EXOC6B: variants seen among roughly 807,000 people sequenced by gnomAD.
EXOC6B encodes SEC15 homolog B.
A neutral mutation model predicts 113.5 loss-of-function variants in EXOC6B; 54 were observed. That is an observed-to-expected ratio of 0.48 (90% CI 0.38 to 0.60). EXOC6B has a LOEUF of 0.60. Among genes scored for constraint, EXOC6B ranks in the 20% least tolerant of loss-of-function variants. The pLI is 0.00. For missense variants in EXOC6B, 797 were observed against 977.5 expected, an observed-to-expected ratio of 0.82 and a Z score of 2.46; for synonymous variants, 357 against 339.0, an observed-to-expected ratio of 1.05 and a Z score of -0.58.
At chr2:72,795,602 A>G (rs747055617) in intron 1 of EXOC6B, among the ~76,000 whole-genome samples, 12 of 152,076 alleles carry the variant, frequency 7.9e-5, no homozygotes, top group Admixed American at 2.0e-4. Context: ...AAATAAAATA[A>G]AACAAGTGAA....
chr2:72,417,902 A>G (rs1694629952), intron 18 of EXOC6B, among the ~76,000 whole-genome samples: 1 of 152,104 alleles, frequency 6.6e-6, no homozygotes, highest in African/African-American at 2.4e-5. Context: ...TATTTTGAGT[A>G]GCATCTCTTA....
chr2:72,244,215 A>G (rs1405808748), intron 20 of EXOC6B, among the ~76,000 whole-genome samples: 4 of 152,240 alleles, frequency 2.6e-5, no homozygotes, highest in Non-Finnish European at 4.4e-5. Context: ...TAATAATGCC[A>G]TAATGGAGCT....
At chr2:72,814,274 A>T (rs1452325161) in intron 1 of EXOC6B, among the ~76,000 whole-genome samples, 1 of 152,258 alleles carries the variant, frequency 6.6e-6, no homozygotes, top group Non-Finnish European at 1.5e-5. Flanking sequence ...ACATTTATTT[A>T]GAGTTCTAAA....
intron 18 of EXOC6B, among the ~76,000 whole-genome samples, chr2:72,390,177 A>C (rs1032873544): frequency 6.6e-6 from 1 of 152,062 alleles, no homozygotes; most frequent in African/African-American, 2.4e-5. Flanking sequence ...CTCCAATCTT[A>C]TTTTCTATAG....
At chr2:72,460,506 T>G (rs1222412377) in intron 18 of EXOC6B, among the ~76,000 whole-genome samples, 1 of 151,532 alleles carries the variant, frequency 6.6e-6, no homozygotes. Context: ...CAAACAAATT[T>G]ACAAGAAAAA....
At chr2:72,521,150 G>A in intron 8 of EXOC6B, among the ~76,000 whole-genome samples, 1 of 152,172 alleles carries the variant, frequency 6.6e-6, no homozygotes, top group Non-Finnish European at 1.5e-5. Context: ...GTTTGAGGGA[G>A]TGGGTTTGCA....
At chr2:72,400,366 G>A (rs1693056388) in intron 18 of EXOC6B, among the ~76,000 whole-genome samples, 1 of 152,008 alleles carries the variant, frequency 6.6e-6, no homozygotes, top group Non-Finnish European at 1.5e-5. Flanking sequence ...CCAGACATTG[G>A]CCTGGGGAAA....
chr2:72,649,586 A>G (rs1053392416), intron 6 of EXOC6B, among the ~76,000 whole-genome samples: 3 of 152,142 alleles, frequency 2.0e-5, no homozygotes, highest in Admixed American at 1.3e-4. Context: ...CTAAATAAAT[A>G]AAATTTACAT....
chr2:72,550,627 A>C lies in EXOC6B; in HGVS notation c.915+8826T>G, dbSNP rs145516026. 2.0e-3 allele frequency among the ~76,000 whole-genome samples: 312 copies of C among 152,268 alleles called. 3 individuals carry two copies. Among genetic ancestry groups the C allele is most frequent in the African/African-American group, 7.0e-3 (291 of 41,568 alleles). ...ACAGTAGGGAATATTACTGTGTATA[A>C]TTTACTTTTAAATGGGCAGTTTAAG... On this transcript the variant is annotated intron_variant, in intron 8 of 21. Coordinates refer to ENST00000272427, the MANE Select transcript of EXOC6B (RefSeq NM_015189.3).
intron 20 of EXOC6B, among the ~76,000 whole-genome samples, chr2:72,265,397 T>TC (rs1235322801): frequency 3.0e-5 from 4 of 132,516 alleles, no homozygotes; most frequent in African/African-American, 8.4e-5. Flanking sequence ...ATGCTATCCC[T>TC]CCCCCCTCCC....
chr2:72,671,785 AAGAAAGAAAGAAAGAAAG>A (rs1246928272), intron 6 of EXOC6B, among the ~76,000 whole-genome samples: 4 of 128,126 alleles, frequency 3.1e-5, no homozygotes, highest in African/African-American at 1.4e-4. Flanking sequence ...GAAAGAAAGA[AAGAAAGAAAGAAAGAAAG>A]AAAGAAAGAA....
At chr2:72,325,851 G>A (rs767542670) in intron 20 of EXOC6B, among the ~76,000 whole-genome samples, 10 of 152,010 alleles carry the variant, frequency 6.6e-5, no homozygotes, top group Non-Finnish European at 8.8e-5. Flanking sequence ...AGAAGGAAGT[G>A]TTTTAACACT....
rs189922603 is a variant in EXOC6B at position 72,652,363 on chromosome 2, T to A, written c.669+65740A>T. On this transcript the variant is annotated intron_variant, in intron 6 of 21. Coordinates refer to ENST00000272427, the MANE Select transcript of EXOC6B (RefSeq NM_015189.3). The stretch of plus-strand genomic sequence containing the variant: ...ATTGAGTTTGATTTACTTGTCAAGA[T>A]AATTGCTTCAGTATTAATTAAATAT... 3.7e-4 allele frequency among the ~76,000 whole-genome samples: 56 copies of A among 152,316 alleles called. 2 individuals are homozygous for A. The East Asian group carries it at 0.01, about 28-fold the overall frequency.
At chr2:72,239,049 C>G (rs1559047784) in intron 20 of EXOC6B, among the ~76,000 whole-genome samples, 2 of 152,250 alleles carry the variant, frequency 1.3e-5, no homozygotes, top group East Asian at 1.9e-4. Context: ...CAGGTGTGCA[C>G]CACTGCACCC....
At chr2:72,431,420 T>G (rs1695510573) in intron 18 of EXOC6B, among the ~76,000 whole-genome samples, 1 of 152,066 alleles carries the variant, frequency 6.6e-6, no homozygotes, top group Non-Finnish European at 1.5e-5. Context: ...AAAGCAATCT[T>G]CCTGTGTCAG....
chr2:72,265,758 G>A (rs1291642559), intron 20 of EXOC6B, among the ~76,000 whole-genome samples: 2 of 151,874 alleles, frequency 1.3e-5, no homozygotes, highest in Admixed American at 1.3e-4. Context: ...TAGTCCTTTG[G>A]GTATATACCC....
intron 1 of EXOC6B, among the ~76,000 whole-genome samples, chr2:72,808,777 A>G (rs1010181263): frequency 8.5e-5 from 13 of 152,048 alleles, no homozygotes; most frequent in African/African-American, 2.9e-4. Flanking sequence ...GCGAGATCCT[A>G]TCTCAAAAAA....
intron 20 of EXOC6B, among the ~76,000 whole-genome samples, chr2:72,223,849 C>T (rs1205693197): frequency 6.6e-6 from 1 of 152,150 alleles, no homozygotes; most frequent in Non-Finnish European, 1.5e-5. Flanking sequence ...GTCTGACCAC[C>T]TTAGGGGTAA....
Position 72,748,370 on chromosome 2 carries a change from C to T in EXOC6B, c.114-6901G>A, listed in dbSNP as rs142040897. Reference sequence around the variant, plus strand: ...AATAAAGTGGAAAAACAGATTTGTGCATGATGTTGAAAGAGAAACTGCAGG... The same window carrying T: ...AATAAAGTGGAAAAACAGATTTGTGTATGATGTTGAAAGAGAAACTGCAGG... On this transcript the variant is annotated intron_variant, in intron 1 of 21. Coordinates refer to ENST00000272427, the MANE Select transcript of EXOC6B (RefSeq NM_015189.3). Among the ~76,000 whole-genome samples, 69 of 152,084 alleles carry T rather than the reference C, an allele frequency of 4.5e-4. 2 individuals are homozygous for T. The highest frequency in any genetic ancestry group is 3.4e-3 in the Middle Eastern group (1 of 294).
Sources: allele counts gnomAD v4.1 joint callset (sites outside exome capture counted in the v4.1 genomes callset), GRCh38; gene constraint gnomAD v4.1.1; transcripts MANE v1.5; gene names NCBI Gene and HGNC (gene_info 2026-07-23, HGNC 2026-07-21).